LARP1: variants seen among roughly 807,000 people sequenced by gnomAD.
The protein encoded by LARP1 is La ribonucleoprotein 1, translational regulator.
A neutral mutation model predicts 122.7 loss-of-function variants in LARP1; 36 were observed. The ratio of observed to expected loss-of-function variants is 0.29; its 90% CI spans 0.22 to 0.39. LARP1 has a LOEUF of 0.39. Among genes scored for constraint, LARP1 ranks in the 10% least tolerant of loss-of-function variants. LARP1 has a pLI of 1.00. For missense variants in LARP1, 1,040 were observed against 1,403.6 expected (o/e 0.74, Z 4.14); for synonymous variants, 539 against 528.7 (o/e 1.02, Z -0.27).
At chr5:154,800,803 A>G (rs1758287411) in intron 10 of LARP1, among the ~76,000 whole-genome samples, 1 of 152,154 alleles carries the variant, frequency 6.6e-6, no homozygotes, top group South Asian at 2.1e-4. Flanking sequence ...ATGGAATTCT[A>G]TACTCCCTTA....
At chr5:154,717,067 AAAAAAAG>A (rs1477406287) in intron 1 of LARP1, among the ~76,000 whole-genome samples, 1 of 151,992 alleles carries the variant, frequency 6.6e-6, no homozygotes, top group East Asian at 1.9e-4. Flanking sequence ...CTCCAAAAAA[AAAAAAAG>A]AAAAAGAAAA....
intron 1 of LARP1, among the ~76,000 whole-genome samples, chr5:154,721,150 C>T (rs1193710096): frequency 6.6e-6 from 1 of 151,816 alleles, no homozygotes; most frequent in Non-Finnish European, 1.5e-5. Context: ...GGAGACTTGC[C>T]TGGGCAACAT....
chr5:154,786,897 G>A (rs1389187586), intron 1 of LARP1, among the ~76,000 whole-genome samples: 3 of 149,290 alleles, frequency 2.0e-5, no homozygotes, highest in Non-Finnish European at 4.4e-5. Flanking sequence ...TTTTTTTTTG[G>A]GATGGAATTT....
intron 1 of LARP1, 77 bp from the exon 2 acceptor site, chr5:154,790,248 G>A: frequency 3.2e-6 from 4 of 1,240,052 alleles, no homozygotes; most frequent in Admixed American, 3.9e-5. Flanking sequence ...AGTGGGGACG[G>A]TGATGAGGGT....
intron 1 of LARP1, among the ~76,000 whole-genome samples, chr5:154,713,625 G>A (rs914023981): frequency 6.6e-6 from 1 of 151,988 alleles, no homozygotes; most frequent in Non-Finnish European, 1.5e-5. Flanking sequence ...TCCAGGGAAT[G>A]GGGTCCCCAG....
upstream of LARP1, among the ~76,000 whole-genome samples, chr5:154,709,066 GCC>G (rs1275989020): frequency 3.9e-5 from 6 of 152,164 alleles, no homozygotes; most frequent in Non-Finnish European, 8.8e-5. Context: ...AATATCCTCT[GCC>G]AGTTCATCAA....
At chr5:154,733,450 C>G (rs1458753075) in intron 1 of LARP1, among the ~76,000 whole-genome samples, 1 of 152,224 alleles carries the variant, frequency 6.6e-6, no homozygotes, top group African/African-American at 2.4e-5. Context: ...CTGCCTCAGC[C>G]TACCAAAATG....
chr5:154,718,361 C>A (rs1279710601), intron 1 of LARP1: 1 of 152,002 alleles, frequency 6.6e-6, no homozygotes, highest in African/African-American at 2.4e-5. Context: ...TCTCTCTTTT[C>A]TTTTTTGTTC....
chr5:154,768,763 G>A (rs540818726), intron 1 of LARP1, among the ~76,000 whole-genome samples: 1 of 152,130 alleles, frequency 6.6e-6, no homozygotes, highest in Non-Finnish European at 1.5e-5. Flanking sequence ...TGTATTTTTA[G>A]TAGAGATGGG....
chr5:154,749,174 C>T (rs1437057225), intron 1 of LARP1, among the ~76,000 whole-genome samples: 2 of 152,106 alleles, frequency 1.3e-5, no homozygotes, highest in Non-Finnish European at 2.9e-5. Context: ...CTGACACAGG[C>T]AAGTGTGGTA....
Position 154,745,915 on chromosome 5 carries a change from C to T in LARP1, c.205+32785C>T, listed in dbSNP as rs200549056. On this transcript the variant is annotated intron_variant, in intron 1 of 18. Transcript: ENST00000336314. ...GGTTCAAGCGATTCTCTTGCCTTAGCCTTCCGAGTACCTGGGATTACAGGT... is the reference window on the plus strand; with the variant it reads ...GGTTCAAGCGATTCTCTTGCCTTAGTCTTCCGAGTACCTGGGATTACAGGT... Among the ~76,000 whole-genome samples the T allele has an allele frequency of 5.3e-5, 8 of 152,040 alleles. No homozygotes were observed. In the East Asian group the frequency reaches 1.4e-3, roughly 26 times the overall value.
intron 14 of LARP1, 80 bp downstream of exon 14, chr5:154,804,387 A>C (rs1561628250): frequency 1.9e-6 from 2 of 1,049,652 alleles, no homozygotes; most frequent in South Asian, 1.3e-5. Context: ...TGGACCAAGA[A>C]GATTGGTCTG....
In LARP1 at chr5:154,719,138, C is replaced by A. The variant is rs547011158; in HGVS notation, c.205+6008C>A. Among the ~76,000 whole-genome samples the A allele has an allele frequency of 2.6e-5, 4 of 152,306 alleles. No individual in the cohort carries two copies. The East Asian group carries it at 7.7e-4, about 29-fold the overall frequency. ...GGGATAGGGGCTAAGAAATTCAGTT[C>A]GGTGCCCCTAGCCTGAGCCCTGCCA... On this transcript the variant is annotated intron_variant, in intron 1 of 18. Coordinates refer to the LARP1 transcript ENST00000336314.
At chr5:154,716,753 G>A (rs1339593559) in intron 1 of LARP1, among the ~76,000 whole-genome samples, 1 of 151,992 alleles carries the variant, frequency 6.6e-6, no homozygotes, top group African/African-American at 2.4e-5. Context: ...CCAGCTGATG[G>A]CAACATTTTA....
intron 1 of LARP1, among the ~76,000 whole-genome samples, chr5:154,686,182 T>C (rs2113178363): frequency 6.6e-6 from 1 of 152,348 alleles, no homozygotes; most frequent in South Asian, 2.1e-4. Flanking sequence ...GAGCTCATTC[T>C]GTACCAGGAA....
chr5:154,718,761 T>C (rs1755671254), intron 1 of LARP1: 1 of 152,170 alleles, frequency 6.6e-6, no homozygotes. Flanking sequence ...AGTAGAGTGT[T>C]GAAAAGGCTT....
At chr5:154,730,844 C>T (rs183302792) in intron 1 of LARP1, among the ~76,000 whole-genome samples, 6 of 149,868 alleles carry the variant, frequency 4.0e-5, no homozygotes, top group Middle Eastern at 3.5e-3. Context: ...CATGCCCCTA[C>T]GGGTAAGCAC....
At position 154,692,048 on chromosome 5, in the gene LARP1, G is replaced by T. The variant is rs959181416; in HGVS notation, c.-180+9011G>T. On this transcript the variant is annotated intron_variant, in intron 1 of 18. Transcript: ENST00000687700. ...CTCAGGCGATCCACCCGCCTCCGCC[G>T]CCCAAAGTGCTGGGAATACAGGCAT... 2.0e-5 allele frequency among the ~76,000 whole-genome samples: 3 copies of T among 152,092 alleles called. No homozygotes were observed. In the East Asian group the frequency reaches 5.8e-4, roughly 29 times the overall value.
chr5:154,796,882 C>T (rs1757904839), intron 8 of LARP1, among the ~76,000 whole-genome samples: 1 of 152,168 alleles, frequency 6.6e-6, no homozygotes. Flanking sequence ...TAATAGGTTT[C>T]ATAGGTGACC....
Sources: allele counts gnomAD v4.1 joint callset (sites outside exome capture counted in the v4.1 genomes callset), GRCh38; gene constraint gnomAD v4.1.1; transcripts MANE v1.5; gene names NCBI Gene and HGNC (gene_info 2026-07-23, HGNC 2026-07-21).